MAP4K3: variants seen among roughly 807,000 people sequenced by gnomAD.
MAP4K3 encodes mitogen-activated protein kinase kinase kinase kinase 3.
MAP4K3 carries 94 observed loss-of-function variants against 143.5 expected under a neutral mutation model. The observed-to-expected ratio is 0.65, with a 90% CI of 0.55 to 0.78. The LOEUF (loss-of-function observed/expected upper bound fraction) is 0.78, where lower values mean the gene tolerates loss of function less well. Ranked by LOEUF, MAP4K3 falls within the 30% of genes least tolerant of loss-of-function variation. The pLI is 0.00. For synonymous variants in MAP4K3, 416 were observed against 347.2 expected, an observed-to-expected ratio of 1.20 and a Z score of -2.20; for missense variants, 1,077 against 1,068.1, an observed-to-expected ratio of 1.01 and a Z score of -0.12.
chr2:39,313,514 CTT>C (rs1230747834), intron 13 of MAP4K3, among the ~76,000 whole-genome samples: 115 of 151,306 alleles, frequency 7.6e-4, no homozygotes, highest in African/African-American at 2.5e-3. Flanking sequence ...TTCTCTCTCT[CTT>C]CTCTCTCTCT....
chr2:39,265,105 T>C (rs924351860), intron 28 of MAP4K3, 98 bp downstream of exon 28: 65 of 904,784 alleles, frequency 7.2e-5, no homozygotes, highest in Non-Finnish European at 1.1e-4. Context: ...AATCACTAAA[T>C]TAACTTGAAA....
intron 33 of MAP4K3, among the ~76,000 whole-genome samples, chr2:39,251,276 C>T (rs748319655): frequency 3.9e-5 from 6 of 152,134 alleles, no homozygotes; most frequent in East Asian, 1.9e-4. Context: ...CAGTCCTGCC[C>T]GCATGATCAA....
At chr2:39,433,317 A>G (rs567569157) in intron 1 of MAP4K3, among the ~76,000 whole-genome samples, 50 of 152,286 alleles carry the variant, frequency 3.3e-4, no homozygotes, top group African/African-American at 1.2e-3. Flanking sequence ...CAGAAACCAT[A>G]TTGAGACTAT....
At chr2:39,321,566 A>C (rs1198207985) in intron 12 of MAP4K3, among the ~76,000 whole-genome samples, 1 of 152,116 alleles carries the variant, frequency 6.6e-6, no homozygotes, top group African/African-American at 2.4e-5. Flanking sequence ...ACCGTCCCCC[A>C]GCCCGACACC....
intron 1 of MAP4K3, among the ~76,000 whole-genome samples, chr2:39,412,319 A>G (rs979367516): frequency 9.2e-5 from 14 of 152,350 alleles, no homozygotes; most frequent in Middle Eastern, 3.4e-3. Context: ...AGCTCACTGT[A>G]GCAATTAATG....
intron 1 of MAP4K3, among the ~76,000 whole-genome samples, chr2:39,431,743 C>T (rs1026686791): frequency 6.6e-6 from 1 of 152,196 alleles, no homozygotes; most frequent in Admixed American, 6.5e-5. Flanking sequence ...TACTTCTAGA[C>T]ACTAACAGCA....
In MAP4K3 at chr2:39,309,464, T is replaced by G. The variant is rs370057656; in HGVS notation, c.1053A>C (p.Glu351Asp). 6.3e-7 allele frequency: 1 copy of G among 1,588,316 alleles called. No homozygotes were observed. The highest frequency in any genetic ancestry group is 8.6e-7 in the Non-Finnish European group (1 of 1,169,144). Reference protein sequence around the residue: ...PLRKETEPHHELPDSDGFLDS... With the variant: ...PLRKETEPHHDLPDSDGFLDS... ...ATTCTAAGGCTATACTACTTACAAG[T>G]TCATGATGTGGTTCTGTCTCCTTTC... is the stretch of plus-strand genomic sequence containing the variant. Residue 351 changes from glutamate (E) to aspartate (D), a missense_variant, in exon 14 of 34, where the codon GAA (glutamate) becomes GAC (aspartate). By Grantham distance (45) the Glu-to-Asp change is conservative. Coordinates refer to ENST00000263881, the MANE Select transcript of MAP4K3 (RefSeq NM_003618.4).
chr2:39,320,921 T>C (rs1313390444), intron 12 of MAP4K3, among the ~76,000 whole-genome samples: 3 of 152,066 alleles, frequency 2.0e-5, no homozygotes, highest in African/African-American at 7.2e-5. Flanking sequence ...ATAAGGCAAA[T>C]CAAGAACAAG....
intron 33 of MAP4K3, among the ~76,000 whole-genome samples, chr2:39,251,541 C>T (rs927603922): frequency 6.6e-6 from 1 of 152,202 alleles, no homozygotes; most frequent in Non-Finnish European, 1.5e-5. Flanking sequence ...GCATTAACAA[C>T]ACAAAGTTCT....
At chr2:39,271,292 A>C (rs1209805450) in intron 26 of MAP4K3, among the ~76,000 whole-genome samples, 1 of 152,222 alleles carries the variant, frequency 6.6e-6, no homozygotes, top group African/African-American at 2.4e-5. Flanking sequence ...TGGTGTATTC[A>C]GTAAAATCTG....
intron 1 of MAP4K3, among the ~76,000 whole-genome samples, chr2:39,402,063 T>C (rs1225471465): frequency 6.6e-6 from 1 of 152,110 alleles, no homozygotes; most frequent in Non-Finnish European, 1.5e-5. Flanking sequence ...ACATTACATA[T>C]GTGCAAGAAG....
intron 1 of MAP4K3, among the ~76,000 whole-genome samples, chr2:39,398,729 AATAATAATAATAATAATG>A (rs1456259898): frequency 1.4e-5 from 2 of 140,648 alleles, no homozygotes; most frequent in Non-Finnish European, 3.0e-5. Context: ...TAATAATAAT[AATAATAATAATAATAATG>A]ATGATGATAA....
chr2:39,381,576 T>A (rs1275767009), intron 1 of MAP4K3, among the ~76,000 whole-genome samples: 2 of 146,938 alleles, frequency 1.4e-5, no homozygotes, highest in African/African-American at 5.5e-5. Context: ...AATACTTTTT[T>A]CCTATGATTT....
Position 39,395,328 on chromosome 2 carries a change from T to TAC in MAP4K3, c.97-17207_97-17206dup, listed in dbSNP as rs10549757. 1.9e-3 allele frequency among the ~76,000 whole-genome samples: 288 copies of TAC among 149,798 alleles called. 3 individuals are homozygous for TAC. The highest frequency in any genetic ancestry group is 2.3e-3 in the South Asian group (11 of 4,690). ...CAAACAACCTACATGCACGTACACATACACACACACACACACACACACACA... is the reference window on the plus strand; with the variant it reads ...CAAACAACCTACATGCACGTACACATACACACACACACACACACACACACACA... On this transcript the variant is annotated intron_variant, in intron 1 of 33. Coordinates refer to ENST00000263881, the MANE Select transcript of MAP4K3 (RefSeq NM_003618.4).
chr2:39,387,978 T>A (rs1666554830), intron 1 of MAP4K3, among the ~76,000 whole-genome samples: 1 of 152,206 alleles, frequency 6.6e-6, no homozygotes, highest in African/African-American at 2.4e-5. Context: ...TGGAAAATAA[T>A]CTGTGAGTGA....
At chr2:39,313,734 A>C (rs1229091011) in intron 13 of MAP4K3, among the ~76,000 whole-genome samples, 3 of 152,158 alleles carry the variant, frequency 2.0e-5, no homozygotes, top group Non-Finnish European at 2.9e-5. Flanking sequence ...GCTGGTCTCC[A>C]GCTCCTGACC....
chr2:39,363,585 C>T (rs900532063), intron 2 of MAP4K3, among the ~76,000 whole-genome samples: 10 of 142,536 alleles, frequency 7.0e-5, no homozygotes, highest in Non-Finnish European at 1.5e-4. Context: ...GGGAGAATTG[C>T]TTGAACCCAG....
chr2:39,330,141 C>T (rs1336718831), intron 8 of MAP4K3, among the ~76,000 whole-genome samples: 12 of 152,022 alleles, frequency 7.9e-5, no homozygotes, highest in Admixed American at 7.9e-4. Context: ...ACTGAAAAGA[C>T]ATGAGTCTTT....
chr2:39,267,795 T>C (rs1203797140), intron 26 of MAP4K3, among the ~76,000 whole-genome samples: 2 of 151,840 alleles, frequency 1.3e-5, no homozygotes, highest in African/African-American at 4.8e-5. Context: ...TATAGAAATA[T>C]ATGACCTTGG....
Sources: allele counts gnomAD v4.1 joint callset (sites outside exome capture counted in the v4.1 genomes callset), GRCh38; gene constraint gnomAD v4.1.1; transcripts MANE v1.5; gene names NCBI Gene and HGNC (gene_info 2026-07-23, HGNC 2026-07-21).